NFAT5: variants seen among roughly 807,000 people sequenced by gnomAD.
The protein encoded by NFAT5 is nuclear factor of activated T cells 5.
A neutral mutation model predicts 166.5 loss-of-function variants in NFAT5; 31 were observed. The observed-to-expected ratio is 0.19, with a 90% CI of 0.14 to 0.25. The LOEUF (loss-of-function observed/expected upper bound fraction) is 0.25, where lower values mean the gene tolerates loss of function less well. NFAT5 is among the 10% of genes least tolerant of loss of function. NFAT5 has a pLI of 1.00. For missense variants in NFAT5, 1,449 were observed against 1,821.8 expected, an observed-to-expected ratio of 0.80 and a Z score of 3.72; for synonymous variants, 612 against 639.7, an observed-to-expected ratio of 0.96 and a Z score of 0.65.
intron 7 of NFAT5, 112 bp from the exon 8 acceptor site, chr16:69,669,865 T>G (rs2036554280): frequency 1.1e-6 from 1 of 869,846 alleles, no homozygotes; most frequent in Non-Finnish European, 1.7e-6. Flanking sequence ...AAAATATTTA[T>G]TACTCCTCCT....
chr16:69,653,859 C>T (rs1464212843), intron 5 of NFAT5, among the ~76,000 whole-genome samples: 1 of 151,988 alleles, frequency 6.6e-6, no homozygotes, highest in African/African-American at 2.4e-5. Flanking sequence ...CAGAGAAATA[C>T]AGTAGAAATT....
intron 2 of NFAT5, among the ~76,000 whole-genome samples, chr16:69,589,926 G>A (rs932350945): frequency 2.0e-5 from 3 of 152,114 alleles, no homozygotes; most frequent in Non-Finnish European, 2.9e-5. Flanking sequence ...GGAGGCCAGG[G>A]TGGGAGGATT....
intron 2 of NFAT5, among the ~76,000 whole-genome samples, chr16:69,619,923 T>C (rs1167625628): frequency 6.6e-6 from 1 of 152,206 alleles, no homozygotes; most frequent in East Asian, 1.9e-4. Context: ...CTACTTTAAA[T>C]TTGACCCACT....
chr16:69,668,240 G>A (rs1457000356), intron 7 of NFAT5, among the ~76,000 whole-genome samples: 3 of 152,046 alleles, frequency 2.0e-5, no homozygotes, highest in Non-Finnish European at 4.4e-5. Flanking sequence ...TGCCCCTCTC[G>A]GTCTCCCAAA....
Position 69,700,616 on chromosome 16 carries a change from A to G in NFAT5, c.*4265A>G, listed in dbSNP as rs2037881299. The G allele has an allele frequency of 6.6e-6, 1 of 152,168 alleles. No individual in the cohort carries two copies. The allele number at this position is 152,168 out of a possible 1,614,324, so 9.4% of individuals were successfully genotyped here. A position where few individuals can be genotyped will look rare whatever the true frequency, so the allele number is the denominator to read the frequency against. On this transcript the variant is annotated 3_prime_UTR_variant, in exon 15 of 15. Transcript: ENST00000349945. ...ATTTCTGTTCCAATATCTGTTTCCTAATAGATTTTTTAAATTAATTAGCTT... is the reference window on the plus strand; with the variant it reads ...ATTTCTGTTCCAATATCTGTTTCCTGATAGATTTTTTAAATTAATTAGCTT...
In NFAT5 at chr16:69,576,040, C is replaced by T. The variant is rs548460464; in HGVS notation, c.127+7492C>T. On this transcript the variant is annotated intron_variant, in intron 2 of 14. Coordinates refer to ENST00000349945, the MANE Select transcript of NFAT5 (RefSeq NM_138713.4). ...ATTTGAGGCCGGGCTCGGTGGCTCA[C>T]GCCTGTAATCCCAGCACTTTGGGAG... Among the ~76,000 whole-genome samples, 6 of 152,000 alleles carry T rather than the reference C, an allele frequency of 3.9e-5. No individual in the cohort carries two copies. The South Asian group carries it at 6.2e-4, about 16-fold the overall frequency.
intron 9 of NFAT5, among the ~76,000 whole-genome samples, chr16:69,670,532 A>G (rs1330675882): frequency 6.6e-6 from 1 of 152,224 alleles, no homozygotes; most frequent in Non-Finnish European, 1.5e-5. Context: ...AATAAACAAA[A>G]TCTTTCTTTC....
At position 69,682,387 on chromosome 16, in the gene NFAT5, C is replaced by G. The variant is rs556099308; in HGVS notation, c.1691-2500C>G. On this transcript the variant is annotated intron_variant, in intron 10 of 14. Coordinates refer to ENST00000349945, the MANE Select transcript of NFAT5 (RefSeq NM_138713.4). ...CTTCAGGAGGCCAAGGCAAGAGGAT[C>G]ACTTGAGCCCAGGAGTTTGAGACCA... 7.3e-5 allele frequency among the ~76,000 whole-genome samples: 11 copies of G among 150,666 alleles called. No homozygotes were observed. The South Asian group carries it at 2.3e-3, about 32-fold the overall frequency.
In NFAT5 at chr16:69,651,014, A is replaced by T. The variant is rs79282502; in HGVS notation, c.813-2222A>T. Among the ~76,000 whole-genome samples, 12 of 152,342 alleles carry T rather than the reference A, an allele frequency of 7.9e-5. No homozygotes were observed. In the East Asian group the frequency reaches 2.1e-3, roughly 27 times the overall value. ...CAGCTTCAACTTGATACTTATGTTC[A>T]TAGAATTTATTCTTCCAGGGCCTTT... On this transcript the variant is annotated intron_variant, in intron 4 of 14. Transcript: ENST00000349945.
intron 2 of NFAT5, among the ~76,000 whole-genome samples, chr16:69,590,018 A>T (rs1597365272): frequency 6.6e-6 from 1 of 152,194 alleles, no homozygotes; most frequent in African/African-American, 2.4e-5. Flanking sequence ...CAAAAACTTT[A>T]AAAAAACTAG....
intron 3 of NFAT5, among the ~76,000 whole-genome samples, chr16:69,627,162 TG>T (rs1324460360): frequency 1.3e-5 from 2 of 151,228 alleles, no homozygotes; most frequent in African/African-American, 2.4e-5. Flanking sequence ...GATATACAAT[TG>T]GCTCAAATTT....
chr16:69,598,940 G>A (rs922195435), intron 2 of NFAT5, among the ~76,000 whole-genome samples: 2 of 151,584 alleles, frequency 1.3e-5, no homozygotes, highest in South Asian at 2.1e-4. Context: ...CTTGAACCTG[G>A]GAGGTGGAGG....
chr16:69,664,410 G>A (rs2036274885), intron 7 of NFAT5, among the ~76,000 whole-genome samples: 1 of 151,948 alleles, frequency 6.6e-6, no homozygotes, highest in Admixed American at 6.6e-5. Flanking sequence ...TCAGCCTCCC[G>A]AGTAGCTGGG....
Position 69,647,439 on chromosome 16 carries a change from G to A in NFAT5, c.665G>A (p.Arg222Gln). The change falls in exon 4 of 15, where the codon CGA (arginine) becomes CAA (glutamine). Residue 222 changes from arginine to glutamine, a missense_variant. Physicochemically the swap from Arg to Gln is conservative, Grantham distance 43. Transcript: ENST00000349945. This position sits in a 1 kb window ranked among gnomAD's most constrained non-coding sequence, Gnocchi z 4.8. ...NTEVPRKSRK[R>Q]NPKQRPGVKR... ...GAGGTACCTCGTAAATCACGAAAAC[G>A]AAATCCAAAGCAGAGGCCGGGGGTC... The A allele has an allele frequency of 1.9e-6, 3 of 1,614,056 alleles. No individual in the cohort carries two copies. Among genetic ancestry groups the A allele is most frequent in the East Asian group, 2.2e-5 (1 of 44,874 alleles).
At chr16:69,667,955 T>G (rs1051170666) in intron 7 of NFAT5, among the ~76,000 whole-genome samples, 1 of 152,024 alleles carries the variant, frequency 6.6e-6, no homozygotes, top group Non-Finnish European at 1.5e-5. Flanking sequence ...TTATTTTTTG[T>G]TTTTTTGTTT....
intron 2 of NFAT5, among the ~76,000 whole-genome samples, chr16:69,585,920 T>C (rs2032030137): frequency 2.0e-5 from 3 of 152,210 alleles, no homozygotes; most frequent in Non-Finnish European, 2.9e-5. Context: ...GAAAAAGTTC[T>C]GGAAATGAAT....
At chr16:69,616,962 T>A (rs1251092646) in intron 2 of NFAT5, among the ~76,000 whole-genome samples, 2 of 150,956 alleles carry the variant, frequency 1.3e-5, no homozygotes, top group African/African-American at 2.4e-5. Context: ...TTTTTTTCTT[T>A]GAGATGGAGT....
intron 2 of NFAT5, among the ~76,000 whole-genome samples, chr16:69,609,048 G>T (rs1201762423): frequency 1.3e-5 from 2 of 151,392 alleles, no homozygotes; most frequent in Admixed American, 6.6e-5. Context: ...GTGAACCCAG[G>T]AGGCAGAGCT....
chr16:69,668,641 G>T lies in NFAT5; in HGVS notation c.1370-1336G>T, dbSNP rs192982462. Among the ~76,000 whole-genome samples the T allele has an allele frequency of 3.9e-5, 6 of 152,194 alleles. No individual in the cohort carries two copies. In the East Asian group the frequency reaches 1.2e-3, roughly 29 times the overall value. On this transcript the variant is annotated intron_variant, in intron 7 of 14. Transcript: ENST00000349945. ...TGTAAATAATCTTTGTAAATAACCTGTTGGGCATCACCATCATTCCTGACT... is the reference window on the plus strand; with the variant it reads ...TGTAAATAATCTTTGTAAATAACCTTTTGGGCATCACCATCATTCCTGACT...
Sources: allele counts gnomAD v4.1 joint callset (sites outside exome capture counted in the v4.1 genomes callset), GRCh38; gene constraint gnomAD v4.1.1; non-coding constraint Gnocchi (gnomAD v3.1); transcripts MANE v1.5; gene names NCBI Gene and HGNC (gene_info 2026-07-23, HGNC 2026-07-21).